The following HMBOX1 variants were observed in gnomAD, a reference collection of about 807,000 sequenced individuals.
HMBOX1 encodes homeobox containing 1.
A neutral mutation model predicts 54.5 loss-of-function variants in HMBOX1; 14 were observed. The ratio of observed to expected loss-of-function variants is 0.26; its 90% confidence interval spans 0.17 to 0.40. The LOEUF is 0.40. Among genes scored for constraint, HMBOX1 ranks in the 10% least tolerant of loss-of-function variants. The pLI is 1.00. For missense variants in HMBOX1, 332 were observed against 514.4 expected, an observed-to-expected ratio of 0.65 and a Z score of 3.43; for synonymous variants, 160 against 181.0, an observed-to-expected ratio of 0.88 and a Z score of 0.93.
chr8:28,902,219 A>G (rs1813363150), intron 1 of HMBOX1, among the ~76,000 whole-genome samples: 1 of 152,052 alleles, frequency 6.6e-6, no homozygotes, highest in African/African-American at 2.4e-5. Flanking sequence ...GTGAACCTAA[A>G]ATTTCTGGTA....
At chr8:28,980,256 T>A (rs1829117405) in intron 4 of HMBOX1, 100 bp downstream of exon 4, 1 of 868,888 alleles carries the variant, frequency 1.2e-6, no homozygotes, top group Non-Finnish European at 1.9e-6. Context: ...GCAGTGCAGA[T>A]CTGTCAACTT....
rs148486570 is a variant in HMBOX1, at chr8:28,902,537, C to T, written c.-58+11859C>T. On this transcript the variant is annotated intron_variant, in intron 1 of 9. Coordinates refer to ENST00000287701, the MANE Select transcript of HMBOX1 (RefSeq NM_001135726.3). ...AATTTCAGTCATCTGAGCTAGCTTA[C>T]TCATGAGACATTATGGGGAAAACAT... Among the ~76,000 whole-genome samples, 11 of 152,242 alleles carry T rather than the reference C, an allele frequency of 7.2e-5. No homozygotes were observed. The East Asian group carries it at 2.1e-3, about 29-fold the overall frequency.
chr8:28,926,701 A>G (rs1211939204), intron 1 of HMBOX1, among the ~76,000 whole-genome samples: 3 of 152,130 alleles, frequency 2.0e-5, no homozygotes, highest in African/African-American at 7.2e-5. Context: ...CTAAGTAGCT[A>G]GGACTACAAG....
At chr8:28,992,869 CAAAAAAAAAAAAA>C (rs34488854) in intron 4 of HMBOX1, among the ~76,000 whole-genome samples, 11 of 57,252 alleles carry the variant, frequency 1.9e-4, no homozygotes, top group African/African-American at 3.8e-4. Flanking sequence ...GACTCTGTCT[CAAAAAAAAAAAAA>C]AAAAAAAAAA....
intron 1 of HMBOX1, among the ~76,000 whole-genome samples, chr8:28,935,180 G>T (rs1485697564): frequency 6.6e-6 from 1 of 152,276 alleles, no homozygotes; most frequent in East Asian, 1.9e-4. Flanking sequence ...TCAATAATTT[G>T]TAATTTTCAG....
chr8:28,932,500 C>CT (rs1380458802), intron 1 of HMBOX1, among the ~76,000 whole-genome samples: 1 of 152,068 alleles, frequency 6.6e-6, no homozygotes, highest in African/African-American at 2.4e-5. Flanking sequence ...TCATACTCAT[C>CT]TTTTTTTTCT....
intron 1 of HMBOX1, among the ~76,000 whole-genome samples, chr8:28,899,230 A>G (rs1340400392): frequency 1.3e-5 from 2 of 152,238 alleles, no homozygotes; most frequent in Non-Finnish European, 2.9e-5. Context: ...AGTTTGGATC[A>G]CTAACCTACT....
intron 1 of HMBOX1, among the ~76,000 whole-genome samples, chr8:28,906,447 TG>T (rs1337497918): frequency 1.3e-5 from 2 of 152,212 alleles, no homozygotes; most frequent in Non-Finnish European, 2.9e-5. Context: ...TTTGTGTATT[TG>T]TGTGGTTATC....
rs1827114972 is a variant in HMBOX1, at chr8:28,970,017, A to T, written c.24-26A>T. ...TTTGGTAGATACTGTCAATAAAGAG[A>T]CTTCTTTTTATCTCTTTTTTTTTAG... On this transcript the variant is annotated intron_variant, in intron 2 of 9. Coordinates refer to ENST00000287701, the MANE Select transcript of HMBOX1 (RefSeq NM_001135726.3). The surrounding 1 kb of genome is among the most constrained non-coding windows in gnomAD (Gnocchi z 4.3). The T allele has an allele frequency of 3.6e-6, 5 of 1,405,840 alleles. No individual in the cohort carries two copies. In the East Asian group the frequency reaches 1.1e-4, roughly 32 times the overall value. 87.1% of individuals were successfully genotyped at this position (1,405,840 alleles called of 1,614,324 possible).
chr8:28,963,156 G>T (rs1488146463), intron 1 of HMBOX1, among the ~76,000 whole-genome samples: 1 of 151,950 alleles, frequency 6.6e-6, no homozygotes, highest in African/African-American at 2.4e-5. Context: ...GGCTAATTTT[G>T]TATTTTTAGT....
intron 3 of HMBOX1, among the ~76,000 whole-genome samples, chr8:28,973,357 C>T (rs1827765832): frequency 6.6e-6 from 1 of 152,146 alleles, no homozygotes; most frequent in Admixed American, 6.5e-5. Context: ...ATAAATTTTT[C>T]ATATCTGTAG....
intron 1 of HMBOX1, among the ~76,000 whole-genome samples, chr8:28,898,098 TACAG>T (rs985019107): frequency 1.8e-4 from 28 of 152,226 alleles, no homozygotes; most frequent in African/African-American, 5.3e-4. Flanking sequence ...TATCGATTAT[TACAG>T]ACAACAACGG....
Position 28,904,357 on chromosome 8 carries a change from C to T in HMBOX1, c.-58+13679C>T, listed in dbSNP as rs137904161. On this transcript the variant is annotated intron_variant, in intron 1 of 9. Coordinates refer to ENST00000287701, the MANE Select transcript of HMBOX1 (RefSeq NM_001135726.3). ...CCGCCTCGCGGGTTCAAGCAATTCT[C>T]CTGCCTCAGCCTCCACAGGTGTGCG... 6.6e-3 allele frequency among the ~76,000 whole-genome samples: 992 copies of T among 151,252 alleles called. 14 individuals are homozygous for T. The highest frequency in any genetic ancestry group is 0.023 in the African/African-American group (934 of 41,136).
intron 6 of HMBOX1, among the ~76,000 whole-genome samples, chr8:29,031,551 A>G: frequency 6.6e-6 from 1 of 150,532 alleles, no homozygotes; most frequent in East Asian, 1.9e-4. Context: ...TTTTCTGATG[A>G]CATAGTGGTT....
intron 9 of HMBOX1, 121 bp downstream of exon 9, chr8:29,049,169 C>A: frequency 6.7e-7 from 1 of 1,490,098 alleles, no homozygotes; most frequent in Non-Finnish European, 9.2e-7. Context: ...TGTCCCTCCA[C>A]TCTGCTCCTG....
intron 4 of HMBOX1, among the ~76,000 whole-genome samples, chr8:29,008,534 T>G (rs939878008): frequency 2.0e-5 from 3 of 152,120 alleles, no homozygotes; most frequent in African/African-American, 7.2e-5. Context: ...ACTCTAAAAA[T>G]GGCTAAATGA....
chr8:29,036,409 C>T (rs952189569), intron 6 of HMBOX1, among the ~76,000 whole-genome samples: 2 of 152,126 alleles, frequency 1.3e-5, no homozygotes, highest in Non-Finnish European at 2.9e-5. Flanking sequence ...GTTAACTGTG[C>T]AGTAGACAGA....
At chr8:28,914,796 G>A (rs1367474800) in intron 1 of HMBOX1, among the ~76,000 whole-genome samples, 1 of 152,142 alleles carries the variant, frequency 6.6e-6, no homozygotes, top group Non-Finnish European at 1.5e-5. Context: ...TTTGAACACA[G>A]TGTTATACTT....
intron 1 of HMBOX1, among the ~76,000 whole-genome samples, chr8:28,926,998 G>A (rs561029433): frequency 7.2e-5 from 11 of 152,316 alleles, no homozygotes; most frequent in African/African-American, 2.6e-4. Context: ...ATAGTAGGGG[G>A]TTAGGGAAGA....
Sources: allele counts gnomAD v4.1 joint callset (sites outside exome capture counted in the v4.1 genomes callset), GRCh38; gene constraint gnomAD v4.1.1; non-coding constraint Gnocchi (gnomAD v3.1); transcripts MANE v1.5; gene names NCBI Gene and HGNC (gene_info 2026-07-23, HGNC 2026-07-21).